AGMO: variants seen among roughly 807,000 people sequenced by gnomAD.
AGMO encodes the protein alkylglycerol monooxygenase, also known as glyceryl-ether monooxygenase.
AGMO carries 75 observed loss-of-function variants against 60.2 expected under a neutral mutation model. The observed-to-expected ratio is 1.25, with a 90% confidence interval of 1.03 to 1.51. The LOEUF is 1.51. Ranked by LOEUF, AGMO falls within the 40% of genes most tolerant of loss-of-function variation. The pLI is 0.00. For synonymous variants in AGMO, 261 were observed against 177.1 expected (o/e 1.47, Z -3.76); for missense variants, 763 against 525.5 (o/e 1.45, Z -4.42).
rs1782005081 is a variant in AGMO, at chr7:15,345,595, G to A, written c.1263+19919C>T. Among the ~76,000 whole-genome samples, 3 of 152,292 alleles carry A rather than the reference G, an allele frequency of 2.0e-5. No individual in the cohort carries two copies. The South Asian group carries it at 6.2e-4, about 32-fold the overall frequency. On this transcript the variant is annotated intron_variant, in intron 12 of 12. Coordinates refer to ENST00000342526, the MANE Select transcript of AGMO (RefSeq NM_001004320.2). Reference sequence around the variant, plus strand: ...CCAGATTCTTAAAGACTGGGAAAATGTCTAATTTGCTACATTCCCAATATC... The same window carrying A: ...CCAGATTCTTAAAGACTGGGAAAATATCTAATTTGCTACATTCCCAATATC...
chr7:15,200,013 C>G (rs1781232680), downstream of AGMO, among the ~76,000 whole-genome samples: 1 of 152,032 alleles, frequency 6.6e-6, no homozygotes, highest in African/African-American at 2.4e-5. Flanking sequence ...TAATGTATTG[C>G]TAATATGAGA....
At chr7:15,558,196 A>G (rs1025588106) in intron 2 of AGMO, among the ~76,000 whole-genome samples, 2 of 152,078 alleles carry the variant, frequency 1.3e-5, no homozygotes, top group Non-Finnish European at 2.9e-5. Flanking sequence ...TAAGAGAACA[A>G]TCTAATTTCA....
chr7:15,206,094 C>T (rs2115470654), intron 12 of AGMO, among the ~76,000 whole-genome samples: 1 of 151,972 alleles, frequency 6.6e-6, no homozygotes. Flanking sequence ...GATAAGAACC[C>T]AAAGAGAGAT....
intron 5 of AGMO, chr7:15,396,569 G>C (rs114216180): frequency 3.3e-5 from 5 of 152,322 alleles, no homozygotes; most frequent in Admixed American, 6.5e-5. Flanking sequence ...AAGGACAACA[G>C]CTTGCCGCTC....
intron 12 of AGMO, among the ~76,000 whole-genome samples, chr7:15,202,596 G>A (rs1225309905): frequency 6.6e-6 from 1 of 151,260 alleles, no homozygotes; most frequent in Non-Finnish European, 1.5e-5. Flanking sequence ...TCAGGTTGAT[G>A]GACTTCTTCA....
intron 12 of AGMO, among the ~76,000 whole-genome samples, chr7:15,279,594 G>C (rs1374060984): frequency 1.3e-5 from 2 of 152,130 alleles, no homozygotes; most frequent in South Asian, 4.1e-4. Flanking sequence ...ACAAACTGGT[G>C]TGTAGAGATT....
At position 15,533,428 on chromosome 7, in the gene AGMO, T is replaced by G. The variant is rs534786366; in HGVS notation, c.409+11344A>C. ...AATTATGATTGCCTGTACTATTCAT[T>G]TTTAGTAAAATTTTTAAATTTGTTT... is the stretch of plus-strand genomic sequence containing the variant. On this transcript the variant is annotated intron_variant, in intron 3 of 12. Transcript: ENST00000342526. 3.3e-5 allele frequency among the ~76,000 whole-genome samples: 5 copies of G among 152,254 alleles called. No individual in the cohort carries two copies. The South Asian group carries it at 1.0e-3, about 32-fold the overall frequency.
chr7:15,338,447 T>C (rs1022782090), intron 12 of AGMO, among the ~76,000 whole-genome samples: 5 of 123,114 alleles, frequency 4.1e-5, no homozygotes, highest in African/African-American at 1.9e-4. Flanking sequence ...TTTTGAGATT[T>C]GGCATTGTGA....
chr7:15,332,630 A>C (rs76520425), intron 12 of AGMO, among the ~76,000 whole-genome samples: 1 of 152,108 alleles, frequency 6.6e-6, no homozygotes, highest in East Asian at 1.9e-4. Flanking sequence ...ATCATGTAAG[A>C]TTTTCACTGT....
intron 12 of AGMO, among the ~76,000 whole-genome samples, chr7:15,233,682 A>G (rs1188983938): frequency 6.6e-6 from 1 of 152,222 alleles, no homozygotes; most frequent in Non-Finnish European, 1.5e-5. Flanking sequence ...TAAAGCCCAC[A>G]TAACACACAT....
At position 15,373,238 on chromosome 7, in the gene AGMO, A is replaced by T. The variant is rs139600456; in HGVS notation, c.1075-7016T>A. Among the ~76,000 whole-genome samples, 597 of 152,084 alleles carry T rather than the reference A, an allele frequency of 3.9e-3. 4 individuals are homozygous for T. Among genetic ancestry groups the T allele is most frequent in the Middle Eastern group, 0.017 (5 of 294 alleles). ...GGTTTCAGTGAGCTGAGATGGCACC[A>T]CAGCACTCCAGCCTGGACAACAGAG... On this transcript the variant is annotated intron_variant, in intron 10 of 12. Coordinates refer to ENST00000342526, the MANE Select transcript of AGMO (RefSeq NM_001004320.2).
chr7:15,236,900 G>A (rs1013670428), intron 12 of AGMO, among the ~76,000 whole-genome samples: 1 of 151,662 alleles, frequency 6.6e-6, no homozygotes, highest in Non-Finnish European at 1.5e-5. Flanking sequence ...ACTAAGAAAC[G>A]GCCATCTAAG....
intron 12 of AGMO, among the ~76,000 whole-genome samples, chr7:15,283,806 C>T (rs1005712122): frequency 2.0e-5 from 3 of 151,870 alleles, no homozygotes; most frequent in Non-Finnish European, 4.4e-5. Flanking sequence ...GGAGCAGTCT[C>T]CAAGATAGAC....
intron 12 of AGMO, among the ~76,000 whole-genome samples, chr7:15,268,978 G>A (rs1487116036): frequency 6.6e-6 from 1 of 152,022 alleles, no homozygotes. Flanking sequence ...CCAGTAGCAT[G>A]GTGGTGGATC....
chr7:15,184,774 A>G, the AGMO span, among the ~76,000 whole-genome samples: 1 of 141,898 alleles, frequency 7.0e-6, no homozygotes, highest in Non-Finnish European at 1.5e-5. Flanking sequence ...AAAAGAATGG[A>G]GGGAAGGATG....
chr7:15,248,212 A>ATATATATATATG, intron 12 of AGMO, among the ~76,000 whole-genome samples: 1 of 97,900 alleles, frequency 1.0e-5, no homozygotes, highest in Non-Finnish European at 2.0e-5. Flanking sequence ...ATATATATAT[A>ATATATATATATG]TATATATATA....
intron 12 of AGMO, among the ~76,000 whole-genome samples, chr7:15,260,212 G>GAA (rs753533328): frequency 1.5e-3 from 169 of 109,954 alleles, no homozygotes; most frequent in African/African-American, 4.9e-3. Context: ...ACAGAGCGAG[G>GAA]AAAAAAAAAA....
chr7:15,299,855 AC>A (rs1370764435), intron 12 of AGMO, among the ~76,000 whole-genome samples: 13 of 150,352 alleles, frequency 8.6e-5, no homozygotes, highest in Non-Finnish European at 1.3e-4. Context: ...ACACACACAC[AC>A]ACACACACAC....
Position 15,365,603 on chromosome 7 carries a change from T to TA in AGMO, c.1173dup (p.Met392TyrfsTer30). On this transcript the variant is annotated frameshift_variant, in exon 12 of 13. Coordinates refer to ENST00000342526, the MANE Select transcript of AGMO (RefSeq NM_001004320.2). LOFTEE classifies it high-confidence loss of function. ...AACATCAAGCAACGGAGAGTTTCCA[T>TA]AATAGCTGCCTTGGGTCTGAAATAA... The TA allele has an allele frequency of 6.2e-7, 1 of 1,612,462 alleles. No individual in the cohort carries two copies. The highest frequency in any genetic ancestry group is 8.5e-7 in the Non-Finnish European group (1 of 1,178,814).
Sources: allele counts gnomAD v4.1 joint callset (sites outside exome capture counted in the v4.1 genomes callset), GRCh38; gene constraint gnomAD v4.1.1; transcripts MANE v1.5; gene names NCBI Gene and HGNC (gene_info 2026-07-23, HGNC 2026-07-21).